Variants in APBA2 observed in about 807,000 individuals in gnomAD.
The protein encoded by APBA2 is amyloid beta precursor protein binding family A member 2.
APBA2 carries 30 observed loss-of-function variants against 75.0 expected under a neutral mutation model. The observed-to-expected ratio is 0.40, with a 90% CI of 0.30 to 0.54. The LOEUF (loss-of-function observed/expected upper bound fraction) is 0.54. Ranked by LOEUF, APBA2 falls within the 20% of genes least tolerant of loss-of-function variation. The probability of loss-of-function intolerance (pLI) is 0.49; values close to 1 mark genes in which losing one functional copy is unlikely to be tolerated. For synonymous variants in APBA2, 444 were observed against 409.6 expected (o/e 1.08, Z -1.01); for missense variants, 801 against 1,016.1 (o/e 0.79, Z 2.88).
At chr15:29,058,673 C>T (rs2042005718) in intron 4 of APBA2, among the ~76,000 whole-genome samples, 1 of 151,852 alleles carries the variant, frequency 6.6e-6, no homozygotes, top group Admixed American at 6.6e-5. Context: ...AAGAGGTCTG[C>T]CCGGGGGCTG....
chr15:29,076,208 C>A, intron 6 of APBA2, 117 bp downstream of exon 6: 1 of 1,103,722 alleles, frequency 9.1e-7, no homozygotes, highest in Non-Finnish European at 1.4e-6. Flanking sequence ...GCCTACCTAC[C>A]AGCAAGGTGC....
At chr15:29,050,253 T>A (rs2041530767) in intron 3 of APBA2, among the ~76,000 whole-genome samples, 1 of 152,172 alleles carries the variant, frequency 6.6e-6, no homozygotes, top group Non-Finnish European at 1.5e-5. Flanking sequence ...GTGAAAAGGA[T>A]GCAATACAAT....
At chr15:29,066,698 A>G (rs2042392204) in intron 4 of APBA2, among the ~76,000 whole-genome samples, 1 of 152,184 alleles carries the variant, frequency 6.6e-6, no homozygotes, top group African/African-American at 2.4e-5. Flanking sequence ...AATGGTTAAG[A>G]TGGTAAATTG....
chr15:29,116,517 A>G (rs1216897584), intron 14 of APBA2, among the ~76,000 whole-genome samples: 1 of 151,788 alleles, frequency 6.6e-6, no homozygotes, highest in Non-Finnish European at 1.5e-5. Context: ...AATCCCAGCT[A>G]CTGAGGAGGC....
At chr15:28,949,327 G>A (rs1403645921) in intron 2 of APBA2, among the ~76,000 whole-genome samples, 1 of 152,234 alleles carries the variant, frequency 6.6e-6, no homozygotes, top group Non-Finnish European at 1.5e-5. Context: ...AGTGGAGGCA[G>A]CAAGTCAGGG....
chr15:29,083,289 A>G (rs1322166564), intron 6 of APBA2, among the ~76,000 whole-genome samples: 1 of 152,098 alleles, frequency 6.6e-6, no homozygotes, highest in African/African-American at 2.4e-5. Context: ...ACCGTACCCA[A>G]ATCGTCATGT....
chr15:29,020,142 C>G (rs1044301066), intron 3 of APBA2, among the ~76,000 whole-genome samples: 1 of 152,114 alleles, frequency 6.6e-6, no homozygotes, highest in African/African-American at 2.4e-5. Flanking sequence ...TTATTGATAT[C>G]TAGGAAGGTC....
At chr15:29,105,785 G>A (rs190427849) in intron 11 of APBA2, among the ~76,000 whole-genome samples, 67 of 152,310 alleles carry the variant, frequency 4.4e-4, no homozygotes, top group African/African-American at 1.6e-3. Context: ...TAATGACCTC[G>A]AAAATGCGCC....
chr15:28,917,621 T>C (rs775671432), intron 1 of APBA2, among the ~76,000 whole-genome samples: 1 of 152,134 alleles, frequency 6.6e-6, no homozygotes, highest in Non-Finnish European at 1.5e-5. Flanking sequence ...CATCTTACAT[T>C]GGTGTGGTAC....
intron 2 of APBA2, among the ~76,000 whole-genome samples, chr15:28,970,812 G>T (rs2037026208): frequency 6.6e-6 from 1 of 151,986 alleles, no homozygotes; most frequent in South Asian, 2.1e-4. Flanking sequence ...GCCCAGGGCT[G>T]GGGTTAAGTA....
At chr15:29,116,938 T>C in intron 14 of APBA2, 124 bp from the exon 15 acceptor site, 3 of 1,082,588 alleles carry the variant, frequency 2.8e-6, no homozygotes, top group Non-Finnish European at 2.9e-6. Flanking sequence ...GCCTTCCTCC[T>C]TCACTCTAGG....
chr15:28,890,329 T>C (rs903692626), intron 1 of APBA2, among the ~76,000 whole-genome samples: 1 of 152,242 alleles, frequency 6.6e-6, no homozygotes, highest in African/African-American at 2.4e-5. Flanking sequence ...GTTTGGGTTC[T>C]CTGCACCCAG....
chr15:28,954,770 T>C (rs779657293), intron 2 of APBA2, among the ~76,000 whole-genome samples: 9 of 152,212 alleles, frequency 5.9e-5, no homozygotes, highest in Non-Finnish European at 1.2e-4. Flanking sequence ...CTCACCTGCC[T>C]CCTGCTAGTC....
chr15:28,992,134 C>T (rs542064407), intron 2 of APBA2, among the ~76,000 whole-genome samples: 4 of 152,246 alleles, frequency 2.6e-5, no homozygotes, highest in South Asian at 2.1e-4. Flanking sequence ...GGGCTGGTGT[C>T]CCCTGCTTTG....
At chr15:28,941,592 T>C (rs1016259297) in intron 2 of APBA2, among the ~76,000 whole-genome samples, 5 of 148,246 alleles carry the variant, frequency 3.4e-5, no homozygotes, top group Admixed American at 6.7e-5. Flanking sequence ...TGTAGGGACA[T>C]GTGCTACATG....
chr15:29,108,199 AG>A, intron 12 of APBA2, 70 bp from the exon 13 acceptor site: 2 of 1,607,530 alleles, frequency 1.2e-6, no homozygotes, highest in Non-Finnish European at 1.7e-6. Flanking sequence ...CCACCCTGCC[AG>A]CCTCGCTCAT....
chr15:29,045,068 C>CTTCTCTCTCTCTCTCTCTCT (rs1468449096), intron 3 of APBA2, among the ~76,000 whole-genome samples: 4 of 96,662 alleles, frequency 4.1e-5, no homozygotes, highest in African/African-American at 1.5e-4. Context: ...TCCCTCCCTC[C>CTTCTCTCTCTCTCTCTCTCT]TTCTCTCTCT....
At chr15:28,971,688 G>A (rs1045081461) in intron 2 of APBA2, among the ~76,000 whole-genome samples, 3 of 152,164 alleles carry the variant, frequency 2.0e-5, no homozygotes, top group Non-Finnish European at 4.4e-5. Flanking sequence ...TCTCAGGGGA[G>A]GAGGAGGTGG....
chr15:29,025,122 G>T (rs116437592), intron 3 of APBA2, among the ~76,000 whole-genome samples: 4,588 of 127,554 alleles, frequency 0.036, 235 homozygotes, highest in African/African-American at 0.19. Context: ...CATGTAATAC[G>T]TGGTTGTCTC....
Sources: allele counts gnomAD v4.1 joint callset (sites outside exome capture counted in the v4.1 genomes callset), GRCh38; gene constraint gnomAD v4.1.1; transcripts MANE v1.5; gene names NCBI Gene and HGNC (gene_info 2026-07-23, HGNC 2026-07-21).